Variants in MEIOB observed in about 807,000 individuals in gnomAD.
MEIOB encodes the protein meiosis specific with OB-fold, also known as meiosis-specific with OB domain-containing protein.
MEIOB carries 50 observed loss-of-function variants against 53.1 expected under a neutral mutation model. The ratio of observed to expected loss-of-function variants is 0.94; its 90% CI spans 0.75 to 1.19. The LOEUF is 1.19. Ranked by LOEUF, MEIOB falls within the 50% of genes most tolerant of loss-of-function variation. The probability of loss-of-function intolerance (pLI) is 0.00; values close to 1 mark genes in which losing one functional copy is unlikely to be tolerated. For missense variants in MEIOB, 551 were observed against 550.8 expected (o/e 1.00, Z 0.00); for synonymous variants, 192 against 182.5 (o/e 1.05, Z -0.42).
Position 1,844,962 on chromosome 16 carries a change from A to C in MEIOB, c.780T>G (p.Asp260Glu). Residue 260 changes from aspartate to glutamate, a missense_variant and splice_region_variant, in exon 10 of 14, where the codon GAT becomes GAG. Physicochemically the swap from Asp to Glu is conservative, Grantham distance 45 (BLOSUM62 2). Transcript: ENST00000325962. ...ISKTIITTNP[D>E]IPEANILLNF... ...TCAGCAGAATGTTAGCTTCTGGTAT[A>C]TCTTAAATTGAAAATGCATAATAAG... 1 of 1,400,516 alleles carries C rather than the reference A, an allele frequency of 7.1e-7. No individual in the cohort carries two copies. The highest frequency in any genetic ancestry group is 1.0e-6 in the Non-Finnish European group (1 of 1,004,486). The allele number at this position is 1,400,516 out of a possible 1,614,324, so 86.8% of individuals were successfully genotyped here.
intron 1 of MEIOB, among the ~76,000 whole-genome samples, chr16:1,870,072 CTG>C (rs1468564505): frequency 6.6e-6 from 1 of 151,946 alleles, no homozygotes; most frequent in East Asian, 1.9e-4. Flanking sequence ...TGGGGTTTCA[CTG>C]TGTTAGCCAG....
At chr16:1,861,837 A>G in intron 4 of MEIOB, 148 bp downstream of exon 4, 1 of 810,186 alleles carries the variant, frequency 1.2e-6, no homozygotes, top group East Asian at 3.0e-5. Context: ...GCCCCACTGC[A>G]TTATACTCTT....
At chr16:1,865,908 T>G (rs569273529) in intron 2 of MEIOB, 73 bp from the exon 3 acceptor site, 11 of 1,008,488 alleles carry the variant, frequency 1.1e-5, no homozygotes, top group African/African-American at 1.6e-5. Flanking sequence ...TTCATGGGCT[T>G]GTTATACTTT....
intron 3 of MEIOB, among the ~76,000 whole-genome samples, chr16:1,863,195 G>A (rs1005119600): frequency 6.6e-6 from 1 of 151,960 alleles, no homozygotes; most frequent in Non-Finnish European, 1.5e-5. Flanking sequence ...CTCCAGCCTG[G>A]GAAGAATGAG....
At chr16:1,856,321 A>T (rs1899301938) in intron 6 of MEIOB, among the ~76,000 whole-genome samples, 2 of 41,950 alleles carry the variant, frequency 4.8e-5, no homozygotes, top group African/African-American at 2.0e-4. Flanking sequence ...ATGCCCAGCT[A>T]ATTTTTTTTT....
intron 9 of MEIOB, among the ~76,000 whole-genome samples, chr16:1,849,889 C>T (rs976711974): frequency 6.6e-6 from 1 of 152,128 alleles, no homozygotes; most frequent in South Asian, 2.1e-4. Context: ...TGAAGTAGCA[C>T]ATATGTTAAT....
rs553963611 is a variant in MEIOB, at chr16:1,840,143, C to T, written c.1035-705G>A. The T allele has an allele frequency of 4.6e-5, 7 of 152,258 alleles. No homozygotes were observed. The South Asian group carries it at 1.5e-3, about 32-fold the overall frequency. The allele number at this position is 152,258 out of a possible 1,614,324, so 9.4% of individuals were successfully genotyped here. Reference sequence around the variant, plus strand: ...AGTGGTTTCTTATCTAGCCACAGATCACTTGGTCTAGCAAATTTTAGATGC... The same window carrying T: ...AGTGGTTTCTTATCTAGCCACAGATTACTTGGTCTAGCAAATTTTAGATGC... On this transcript the variant is annotated intron_variant, in intron 11 of 13. Transcript: ENST00000325962.
chr16:1,868,477 G>A (rs567370915), intron 1 of MEIOB, among the ~76,000 whole-genome samples: 4 of 152,196 alleles, frequency 2.6e-5, no homozygotes, highest in Non-Finnish European at 5.9e-5. Context: ...GCACTGAGCC[G>A]AGATCGCACT....
At chr16:1,862,546 A>G (rs1899473424) in intron 3 of MEIOB, among the ~76,000 whole-genome samples, 1 of 152,184 alleles carries the variant, frequency 6.6e-6, no homozygotes, top group African/African-American at 2.4e-5. Flanking sequence ...CTTAAGCCCA[A>G]AAGTTCAAGG....
At chr16:1,854,483 C>T (rs569969350) in intron 6 of MEIOB, among the ~76,000 whole-genome samples, 13 of 152,204 alleles carry the variant, frequency 8.5e-5, no homozygotes, top group Non-Finnish European at 1.6e-4. Flanking sequence ...AGCTCCATGA[C>T]AGGCCCCTCT....
In MEIOB at chr16:1,857,798, G is replaced by A. The variant is rs914629035; in HGVS notation, c.465C>T (p.Asp155=). The A allele has an allele frequency of 4.5e-6, 7 of 1,551,864 alleles. No homozygotes were observed. The Admixed American group carries it at 1.4e-4, about 30-fold the overall frequency. Residue 155 remains aspartate, a synonymous_variant, in exon 6 of 14, where the codon GAC becomes GAT. Transcript: ENST00000325962. ...TAAGACTGTGTCCATTTGCAACAAT[G>A]TCACCCAGTGAATAATAATCATGAG... ...KESHDYYSLG[D]IVANGHSLNG...
chr16:1,871,283 A>G (rs12926045), intron 1 of MEIOB, among the ~76,000 whole-genome samples: 96,377 of 143,738 alleles, frequency 0.67, 32,686 homozygotes, highest in Middle Eastern at 0.79. Context: ...GCAGTGGCGC[A>G]ATCTCGGCTC....
chr16:1,855,592 T>C (rs909054433), intron 6 of MEIOB, among the ~76,000 whole-genome samples: 2 of 152,256 alleles, frequency 1.3e-5, no homozygotes, highest in African/African-American at 4.8e-5. Flanking sequence ...CTTATACTAC[T>C]ATATTCATTC....
intron 5 of MEIOB, among the ~76,000 whole-genome samples, chr16:1,860,171 T>C (rs1316625438): frequency 6.6e-6 from 1 of 152,254 alleles, no homozygotes; most frequent in Non-Finnish European, 1.5e-5. Flanking sequence ...AGTCAAATTT[T>C]TGTAAATCTA....
chr16:1,856,652 G>A (rs1237295052), intron 6 of MEIOB, among the ~76,000 whole-genome samples: 1 of 151,704 alleles, frequency 6.6e-6, no homozygotes, highest in Non-Finnish European at 1.5e-5. Context: ...AGTGGCGATG[G>A]TGTTTCACCA....
intron 13 of MEIOB, 138 bp from the exon 14 acceptor site, chr16:1,834,504 G>C (rs1468477250): frequency 9.2e-6 from 5 of 542,314 alleles, no homozygotes; most frequent in South Asian, 5.2e-5. Context: ...ACTTCCATTA[G>C]AGCTGTAAGA....
At chr16:1,854,354 A>G (rs1024602881) in intron 6 of MEIOB, among the ~76,000 whole-genome samples, 154 bp from the exon 7 acceptor site, 7 of 152,374 alleles carry the variant, frequency 4.6e-5, no homozygotes, top group Admixed American at 4.6e-4. Flanking sequence ...ATTTTAAAGC[A>G]TCTATCTCTA....
At chr16:1,849,993 A>T (rs989840216) in intron 9 of MEIOB, among the ~76,000 whole-genome samples, 4 of 152,246 alleles carry the variant, frequency 2.6e-5, no homozygotes, top group African/African-American at 9.6e-5. Context: ...AAAGTTAAGC[A>T]ATAAATAATA....
At chr16:1,849,307 C>A (rs1899100996) in intron 9 of MEIOB, among the ~76,000 whole-genome samples, 1 of 152,018 alleles carries the variant, frequency 6.6e-6, no homozygotes, top group Admixed American at 6.6e-5. Flanking sequence ...AATCCCAGCA[C>A]TTTGGGAGGC....
Sources: allele counts gnomAD v4.1 joint callset (sites outside exome capture counted in the v4.1 genomes callset), GRCh38; gene constraint gnomAD v4.1.1; transcripts MANE v1.5; gene names NCBI Gene and HGNC (gene_info 2026-07-23, HGNC 2026-07-21).